RAVER2: variants seen among roughly 807,000 people sequenced by gnomAD.
RAVER2 encodes ribonucleoprotein PTB-binding 2.
In RAVER2, 46 loss-of-function variants were observed where a neutral mutation model predicts 78.1. That is an observed-to-expected ratio of 0.59 (90% CI 0.46 to 0.75). RAVER2 has a LOEUF of 0.75. Among genes scored for constraint, RAVER2 ranks in the 30% least tolerant of loss-of-function variants. The pLI, the probability that RAVER2 is intolerant of heterozygous loss-of-function variation, is 0.00. For synonymous variants in RAVER2, 311 were observed against 313.3 expected, an observed-to-expected ratio of 0.99 and a Z score of 0.08; for missense variants, 793 against 837.5, an observed-to-expected ratio of 0.95 and a Z score of 0.66.
chr1:64,783,982 C>G (rs745780771), intron 4 of RAVER2, among the ~76,000 whole-genome samples: 25 of 152,188 alleles, frequency 1.6e-4, no homozygotes, highest in Non-Finnish European at 3.1e-4. Flanking sequence ...AGTTTCTCCT[C>G]CACTGTTCAA....
At chr1:64,759,739 A>G (rs1379976395) in intron 1 of RAVER2, among the ~76,000 whole-genome samples, 2 of 151,752 alleles carry the variant, frequency 1.3e-5, no homozygotes, top group Non-Finnish European at 2.9e-5. Context: ...GATGGTCTCG[A>G]TCTCCTGACC....
chr1:64,802,841 G>A, intron 5 of RAVER2, 135 bp from the exon 6 acceptor site: 1 of 514,372 alleles, frequency 1.9e-6, no homozygotes, highest in South Asian at 3.5e-5. Context: ...CAATGACAAG[G>A]TCACTATATC....
intron 11 of RAVER2, among the ~76,000 whole-genome samples, chr1:64,820,745 G>A (rs310237): frequency 0.011 from 1,600 of 152,212 alleles, 33 homozygotes; most frequent in African/African-American, 0.036. Flanking sequence ...ACATGAGCTC[G>A]TTCTTTTTTA....
At chr1:64,756,287 T>G (rs971274755) in intron 1 of RAVER2, among the ~76,000 whole-genome samples, 4 of 152,186 alleles carry the variant, frequency 2.6e-5, no homozygotes, top group Non-Finnish European at 5.9e-5. Context: ...TGTAAAGTTT[T>G]CTGCTTGTAA....
At chr1:64,793,092 A>G (rs1362499440) in intron 5 of RAVER2, among the ~76,000 whole-genome samples, 1 of 152,082 alleles carries the variant, frequency 6.6e-6, no homozygotes, top group East Asian at 1.9e-4. Context: ...AGTCCCAGCT[A>G]CTCGGGAGGC....
At chr1:64,777,941 C>T (rs1209241352) in exon 3 of RAVER2, 2 of 1,613,982 alleles carry the variant, frequency 1.2e-6, no homozygotes, top group Non-Finnish European at 1.7e-6. Context: ...GGAGCATCAG[C>T]ACTCTTTGCA....
Position 64,756,082 on chromosome 1 carries a change from A to G in RAVER2, c.249+10661A>G, listed in dbSNP as rs115172653. ...ACAGTGAAAGAATTCAGTTCAGATC[A>G]TATATTGCACTTTTTGTAGAATGTC... On this transcript the variant is annotated intron_variant, in intron 1 of 11. Coordinates refer to ENST00000294428, the Ensembl canonical transcript of RAVER2. Among the ~76,000 whole-genome samples, 1,322 of 152,220 alleles carry G rather than the reference A, an allele frequency of 8.7e-3. 23 individuals carry two copies. The highest frequency in any genetic ancestry group is 0.031 in the African/African-American group (1,276 of 41,536).
intron 11 of RAVER2, among the ~76,000 whole-genome samples, chr1:64,824,562 C>G (rs1174668004): frequency 6.6e-6 from 1 of 152,082 alleles, no homozygotes; most frequent in East Asian, 1.9e-4. Context: ...TATATTAACC[C>G]TAGACAATAA....
intron 4 of RAVER2, among the ~76,000 whole-genome samples, chr1:64,786,561 C>T (rs1431718124): frequency 6.6e-6 from 1 of 152,174 alleles, no homozygotes; most frequent in Admixed American, 6.5e-5. Context: ...GTGGCCGAGG[C>T]AGGTGGATCA....
chr1:64,764,964 A>G (rs1367560132), intron 1 of RAVER2, among the ~76,000 whole-genome samples: 4 of 152,190 alleles, frequency 2.6e-5, no homozygotes, highest in Non-Finnish European at 5.9e-5. Context: ...TGTTTGATTA[A>G]ATAACTGGAC....
intron 4 of RAVER2, among the ~76,000 whole-genome samples, chr1:64,787,571 G>A (rs1242930281): frequency 6.6e-6 from 1 of 152,172 alleles, no homozygotes; most frequent in African/African-American, 2.4e-5. Flanking sequence ...CTGCAGAGTG[G>A]GTGTGGGAGG....
exon 9 of RAVER2, chr1:64,807,346 G>A (rs1210490473): frequency 6.2e-7 from 1 of 1,614,128 alleles, no homozygotes. Context: ...GGTGGGAATG[G>A]CAGAAGGAAA....
chr1:64,817,659 A>G (rs1045866080), intron 11 of RAVER2, among the ~76,000 whole-genome samples: 1 of 151,636 alleles, frequency 6.6e-6, no homozygotes, highest in African/African-American at 2.4e-5. Context: ...AAGGACAGAA[A>G]ACCAAACACC....
chr1:64,752,347 C>T (rs759380626), intron 1 of RAVER2, among the ~76,000 whole-genome samples: 9 of 152,224 alleles, frequency 5.9e-5, no homozygotes, highest in Non-Finnish European at 1.0e-4. Flanking sequence ...CAGTGGCTCC[C>T]TCCATACCAC....
chr1:64,807,380 T>A, exon 9 of RAVER2: 1 of 1,614,138 alleles, frequency 6.2e-7, no homozygotes, highest in South Asian at 1.1e-5. Context: ...CAGCCTTATC[T>A]TCAGAGCTTT....
At chr1:64,758,606 A>G (rs879024366) in intron 1 of RAVER2, among the ~76,000 whole-genome samples, 1 of 152,184 alleles carries the variant, frequency 6.6e-6, no homozygotes, top group South Asian at 2.1e-4. Flanking sequence ...CCAGCAAGAA[A>G]ATAGGGACTT....
intron 11 of RAVER2, among the ~76,000 whole-genome samples, chr1:64,818,156 A>G (rs576823272): frequency 6.6e-5 from 10 of 152,228 alleles, no homozygotes; most frequent in Non-Finnish European, 1.3e-4. Flanking sequence ...TCTCCAATAA[A>G]ACTATCAGAT....
At chr1:64,752,841 T>C (rs560393517) in intron 1 of RAVER2, among the ~76,000 whole-genome samples, 1 of 152,316 alleles carries the variant, frequency 6.6e-6, no homozygotes, top group South Asian at 2.1e-4. Flanking sequence ...AATCTCTTTC[T>C]CTCTGCTGGA....
At chr1:64,783,829 G>A (rs770706140) in intron 4 of RAVER2, among the ~76,000 whole-genome samples, 4 of 152,144 alleles carry the variant, frequency 2.6e-5, no homozygotes, top group Non-Finnish European at 4.4e-5. Flanking sequence ...ATAGACAAAT[G>A]GGATCTAATT....
Sources: allele counts gnomAD v4.1 joint callset (sites outside exome capture counted in the v4.1 genomes callset), GRCh38; gene constraint gnomAD v4.1.1; transcripts MANE v1.5; gene names NCBI Gene and HGNC (gene_info 2026-07-23, HGNC 2026-07-21).